TJP2: variants seen among roughly 807,000 people sequenced by gnomAD.
TJP2 encodes tight junction protein 2, also known as Friedreich ataxia region gene X104 (tight junction protein ZO-2).
A neutral mutation model predicts 133.1 loss-of-function variants in TJP2; 91 were observed. The ratio of observed to expected loss-of-function variants is 0.68; its 90% CI spans 0.58 to 0.81. The LOEUF (loss-of-function observed/expected upper bound fraction) is 0.81, where lower values mean the gene tolerates loss of function less well. Among genes scored for constraint, TJP2 ranks in the 40% least tolerant of loss-of-function variants. The pLI is 0.00. For missense variants in TJP2, 1,541 were observed against 1,565.6 expected (o/e 0.98, Z 0.26); for synonymous variants, 592 against 583.4 (o/e 1.01, Z -0.21).
At chr9:69,140,124 G>GTGA (rs1822951894) in intron 1 of TJP2, among the ~76,000 whole-genome samples, 1 of 152,202 alleles carries the variant, frequency 6.6e-6, no homozygotes, top group Admixed American at 6.5e-5. Flanking sequence ...CCCAAAGTAT[G>GTGA]TGAGAGGGCA....
intron 1 of TJP2, among the ~76,000 whole-genome samples, chr9:69,203,463 G>A (rs566850471): frequency 1.1e-4 from 17 of 151,756 alleles, no homozygotes; most frequent in Admixed American, 6.6e-4. Flanking sequence ...CAACATGCCC[G>A]GATTTTTTGT....
At chr9:69,248,284 G>C (rs1048228580) in intron 19 of TJP2, 60 bp downstream of exon 19, 3 of 1,530,342 alleles carry the variant, frequency 2.0e-6, no homozygotes, top group East Asian at 2.5e-5. Flanking sequence ...TTGCACTCTC[G>C]TGGACAGCTG....
chr9:69,216,367 T>C lies in TJP2; in HGVS notation c.143T>C (p.Val48Ala), dbSNP rs121918299. ...KDSKRGFGIA[V>A]SGGRDNPHFE... The stretch of plus-strand genomic sequence containing the variant: ...TCCAAAAGAGGATTTGGAATTGCAG[T>C]GTCCGGAGGCAGAGACAACCCCCAC... The change falls in exon 3 of 23, where the codon GTG becomes GCG. Residue 48 changes from valine to alanine, a missense_variant. Val to Ala is a moderately conservative substitution (Grantham distance 64). Coordinates refer to ENST00000377245, the MANE Select transcript of TJP2 (RefSeq NM_004817.4). The C allele has an allele frequency of 4.8e-5, 77 of 1,614,050 alleles. 5 individuals are homozygous for C. Among genetic ancestry groups the C allele is most frequent in the African/African-American group, 1.3e-5 (1 of 74,914 alleles).
At position 69,226,114 on chromosome 9, in the gene TJP2, A is replaced by G; in HGVS notation, c.1149A>G (p.Arg383=). 1 of 1,614,158 alleles carries G rather than the reference A, an allele frequency of 6.2e-7. No homozygotes were observed. Among genetic ancestry groups the G allele is most frequent in the South Asian group, 1.1e-5 (1 of 91,078 alleles). The change falls in exon 7 of 23, where the codon AGA becomes AGG. Residue 383 remains arginine (R), a synonymous_variant. Transcript: ENST00000377245. ...GAAAACTACAGCTAGTGGTGTTGAG[A>G]GACAGCCAGCAGACCCTCATCAACA... The part of the protein sequence containing the change: ...SRGKLQLVVL[R]DSQQTLINIP...
In TJP2 at chr9:69,236,204, G is replaced by A. The variant is rs1383926294; in HGVS notation, c.1957G>A (p.Glu653Lys). Residue 653 changes from glutamate (E) to lysine (K), a missense_variant, in exon 13 of 23, where the codon GAG becomes AAG. Coordinates refer to ENST00000377245, the MANE Select transcript of TJP2 (RefSeq NM_004817.4). ...GNWLAVRIGN[E>K]LEKGLIPNKS... ...CTGGCTGGCTGTGAGGATTGGGAAC[G>A]AGTTGGAGAAAGGCTTAATCCCCAA... The A allele has an allele frequency of 4.3e-6, 7 of 1,614,028 alleles. No individual in the cohort carries two copies. The highest frequency in any genetic ancestry group is 2.7e-5 in the African/African-American group (2 of 75,040).
At chr9:69,154,203 C>G (rs1417718625) in intron 2 of TJP2, among the ~76,000 whole-genome samples, 1 of 152,212 alleles carries the variant, frequency 6.6e-6, no homozygotes, top group Non-Finnish European at 1.5e-5. Flanking sequence ...CTCCTTAACT[C>G]AGACGAGTAA....
upstream of TJP2, among the ~76,000 whole-genome samples, chr9:69,172,604 G>C (rs1824749291): frequency 1.3e-5 from 2 of 152,194 alleles, no homozygotes; most frequent in African/African-American, 4.8e-5. Flanking sequence ...CCACATTCTG[G>C]ATTATTTTTT....
At chr9:69,250,054 G>A (rs1478769653) in intron 20 of TJP2, among the ~76,000 whole-genome samples, 1 of 152,104 alleles carries the variant, frequency 6.6e-6, no homozygotes, top group Non-Finnish European at 1.5e-5. Context: ...GTGACTCTAT[G>A]TTTTTCCTTA....
At chr9:69,157,301 T>C (rs1342019049) in intron 2 of TJP2, among the ~76,000 whole-genome samples, 1 of 152,192 alleles carries the variant, frequency 6.6e-6, no homozygotes, top group Non-Finnish European at 1.5e-5. Flanking sequence ...TTATTTCTCA[T>C]ACCCATCCCA....
At chr9:69,177,439 A>G (rs1825176417) in intron 1 of TJP2, among the ~76,000 whole-genome samples, 1 of 152,180 alleles carries the variant, frequency 6.6e-6, no homozygotes, top group Admixed American at 6.5e-5. Context: ...TTAAAAAGCT[A>G]TTTAGGGCCT....
chr9:69,196,446 A>G (rs925941673), intron 1 of TJP2, among the ~76,000 whole-genome samples: 1 of 152,190 alleles, frequency 6.6e-6, no homozygotes, highest in Non-Finnish European at 1.5e-5. Flanking sequence ...AATTCTCACA[A>G]CAACCTTAGA....
chr9:69,237,832 A>G, intron 14 of TJP2, 46 bp from the exon 15 acceptor site: 1 of 1,342,026 alleles, frequency 7.5e-7, no homozygotes, highest in South Asian at 1.2e-5. Flanking sequence ...TTATCATAAC[A>G]GCTAGGCAAG....
intron 1 of TJP2, among the ~76,000 whole-genome samples, chr9:69,134,976 G>GGGGA (rs1822664075): frequency 6.7e-6 from 1 of 148,802 alleles, no homozygotes; most frequent in Admixed American, 6.7e-5. Context: ...AGAGAGAAGA[G>GGGGA]GAGAGAGAGA....
upstream of TJP2, among the ~76,000 whole-genome samples, chr9:69,171,502 CTG>C (rs1462693316): frequency 6.6e-6 from 1 of 152,186 alleles, no homozygotes; most frequent in African/African-American, 2.4e-5. Context: ...TTACTTCTCT[CTG>C]TGTTATTTAT....
chr9:69,222,446 G>C (rs1828958541), intron 5 of TJP2, among the ~76,000 whole-genome samples: 1 of 152,060 alleles, frequency 6.6e-6, no homozygotes, highest in Admixed American at 6.6e-5. Flanking sequence ...GATTACAGGT[G>C]TGAGCCACCG....
Position 69,248,883 on chromosome 9 carries a change from A to G in TJP2, c.2881-492A>G, listed in dbSNP as rs184224276. ...GATCTTTGAAGATGGGATTGTTCAT[A>G]TATTTGGATAATTATTGCTGTGGAT... On this transcript the variant is annotated intron_variant, in intron 19 of 22. Coordinates refer to ENST00000377245, the MANE Select transcript of TJP2 (RefSeq NM_004817.4). 38 of 991,878 alleles carry G rather than the reference A, an allele frequency of 3.8e-5. No individual in the cohort carries two copies. In the Admixed American group the frequency reaches 1.3e-3, roughly 34 times the overall value. The allele number at this position is 991,878 out of a possible 1,614,324, so 61.4% of individuals were successfully genotyped here.
chr9:69,254,522 G>C lies in TJP2; in HGVS notation c.*148G>C. ...TCGTGTGTCCTCATGGAGAACCCAG[G>C]GGACAGCTGGTGCAAATTCAGAACT... On this transcript the variant is annotated 3_prime_UTR_variant, in exon 23 of 23. Coordinates refer to ENST00000377245, the MANE Select transcript of TJP2 (RefSeq NM_004817.4). The C allele has an allele frequency of 9.8e-7, 1 of 1,018,414 alleles. No individual in the cohort carries two copies. The allele number at this position is 1,018,414 out of a possible 1,614,324, so 63.1% of individuals were successfully genotyped here.
chr9:69,204,693 C>G, intron 1 of TJP2: 1 of 415,754 alleles, frequency 2.4e-6, no homozygotes, highest in Non-Finnish European at 3.2e-6. Flanking sequence ...GTAACATTAG[C>G]CATTCAGTTG....
intron 3 of TJP2, among the ~76,000 whole-genome samples, chr9:69,217,051 C>T (rs1372518844): frequency 2.7e-5 from 4 of 148,420 alleles, no homozygotes; most frequent in East Asian, 4.0e-4. Flanking sequence ...TGCAGTGGTG[C>T]GATCTCAGCT....
Sources: allele counts gnomAD v4.1 joint callset (sites outside exome capture counted in the v4.1 genomes callset), GRCh38; gene constraint gnomAD v4.1.1; transcripts MANE v1.5; gene names NCBI Gene and HGNC (gene_info 2026-07-23, HGNC 2026-07-21).